NRXN1: variants seen among roughly 807,000 people sequenced by gnomAD.
The protein encoded by NRXN1 is neurexin-1.
Under a neutral mutation model 150.9 loss-of-function variants are expected in NRXN1, and 39 were observed. The observed-to-expected ratio is 0.26, with a 90% CI of 0.20 to 0.34. NRXN1 has a LOEUF of 0.34. NRXN1 is among the 10% of genes least tolerant of loss of function. The pLI, the probability that NRXN1 is intolerant of heterozygous loss-of-function variation, is 1.00. For synonymous variants in NRXN1, 924 were observed against 757.0 expected, an observed-to-expected ratio of 1.22 and a Z score of -3.62; for missense variants, 1,815 against 1,949.9, an observed-to-expected ratio of 0.93 and a Z score of 1.30.
intron 17 of NRXN1, among the ~76,000 whole-genome samples, chr2:50,406,224 A>G (rs1207240123): frequency 6.6e-6 from 1 of 152,112 alleles, no homozygotes; most frequent in African/African-American, 2.4e-5. Flanking sequence ...GGGAGAAGAC[A>G]TGATGGGAAA....
intron 5 of NRXN1, among the ~76,000 whole-genome samples, chr2:50,779,980 A>G (rs1704151887): frequency 6.6e-6 from 1 of 152,084 alleles, no homozygotes; most frequent in Admixed American, 6.5e-5. Context: ...TTACACTCCC[A>G]CCAACAGTGT....
At chr2:50,839,019 T>A (rs561247153) in intron 5 of NRXN1, among the ~76,000 whole-genome samples, 2 of 152,142 alleles carry the variant, frequency 1.3e-5, no homozygotes, top group Admixed American at 1.3e-4. Flanking sequence ...ATCAAGAGCC[T>A]GGTTTTCTTG....
intron 5 of NRXN1, among the ~76,000 whole-genome samples, chr2:50,881,910 AT>A (rs1679492902): frequency 1.3e-5 from 2 of 151,918 alleles, no homozygotes; most frequent in South Asian, 4.1e-4. Context: ...TTTTAAAAAA[AT>A]ATAATACAAA....
chr2:50,015,088 T>C (rs927606265), intron 21 of NRXN1, among the ~76,000 whole-genome samples: 6 of 152,244 alleles, frequency 3.9e-5, no homozygotes, highest in African/African-American at 1.4e-4. Flanking sequence ...TTTTAGTGCC[T>C]CTCTCATCAT....
chr2:50,816,328 C>A (rs187253063), intron 5 of NRXN1, among the ~76,000 whole-genome samples: 2 of 152,032 alleles, frequency 1.3e-5, no homozygotes, highest in African/African-American at 4.8e-5. Flanking sequence ...TTCAGTGTCT[C>A]CTGGGTGGCA....
chr2:50,756,371 T>C (rs2105355979), intron 5 of NRXN1, among the ~76,000 whole-genome samples: 1 of 151,714 alleles, frequency 6.6e-6, no homozygotes, highest in Middle Eastern at 3.4e-3. Context: ...ATTATGTTCA[T>C]TCAGTACATT....
chr2:50,026,446 C>T (rs537122623), intron 21 of NRXN1, among the ~76,000 whole-genome samples: 1 of 152,238 alleles, frequency 6.6e-6, no homozygotes, highest in East Asian at 1.9e-4. Context: ...TAGCCATTTC[C>T]TTCACATGGT....
chr2:50,217,533 T>A (rs1255767627), intron 18 of NRXN1, among the ~76,000 whole-genome samples: 5 of 152,176 alleles, frequency 3.3e-5, no homozygotes, highest in Non-Finnish European at 5.9e-5. Flanking sequence ...TAGTTTTTTT[T>A]AAACCCTATA....
At chr2:50,213,421 A>G (rs1016624283) in intron 18 of NRXN1, among the ~76,000 whole-genome samples, 1 of 151,982 alleles carries the variant, frequency 6.6e-6, no homozygotes, top group African/African-American at 2.4e-5. Context: ...TATTGTTTGT[A>G]AAAACAATGG....
chr2:50,756,610 G>C (rs918913762), intron 5 of NRXN1, among the ~76,000 whole-genome samples: 13 of 151,780 alleles, frequency 8.6e-5, no homozygotes, highest in African/African-American at 3.1e-4. Flanking sequence ...TATTTAGATG[G>C]ACAGAGCTTT....
At chr2:50,552,263 G>C (rs13412958) in intron 9 of NRXN1, among the ~76,000 whole-genome samples, 34,251 of 151,940 alleles carry the variant, frequency 0.23, 3,948 homozygotes, top group East Asian at 0.42. Flanking sequence ...AGAGAAAACT[G>C]GGAATAGAAA....
At chr2:50,046,520 T>A (rs915955828) in intron 21 of NRXN1, among the ~76,000 whole-genome samples, 3 of 152,250 alleles carry the variant, frequency 2.0e-5, no homozygotes, top group African/African-American at 7.2e-5. Context: ...GGTGCTCACC[T>A]GTGACAGGTA....
At chr2:50,907,049 T>C (rs1026879057) in intron 5 of NRXN1, among the ~76,000 whole-genome samples, 7 of 151,890 alleles carry the variant, frequency 4.6e-5, no homozygotes, top group African/African-American at 1.7e-4. Flanking sequence ...GTCTAGAAAC[T>C]AAAAGTCTTC....
intron 5 of NRXN1, among the ~76,000 whole-genome samples, chr2:50,624,082 G>C (rs189809186): frequency 7.2e-5 from 11 of 152,144 alleles, no homozygotes; most frequent in African/African-American, 2.6e-4. Flanking sequence ...ATGGTTTCCA[G>C]CTTCATCACA....
chr2:50,748,577 G>A (rs925634231), intron 5 of NRXN1, among the ~76,000 whole-genome samples: 2 of 151,894 alleles, frequency 1.3e-5, no homozygotes, highest in African/African-American at 2.4e-5. Flanking sequence ...AAATACTCCC[G>A]AAATCCCTCC....
intron 18 of NRXN1, among the ~76,000 whole-genome samples, chr2:50,193,059 A>G (rs2061546883): frequency 6.6e-6 from 1 of 152,106 alleles, no homozygotes; most frequent in South Asian, 2.1e-4. Flanking sequence ...TAAGAACAAT[A>G]TTTTCCTTTT....
chr2:50,746,360 C>T (rs1300806391), intron 5 of NRXN1, among the ~76,000 whole-genome samples: 1 of 151,910 alleles, frequency 6.6e-6, no homozygotes, highest in East Asian at 1.9e-4. Flanking sequence ...GAGTTTGAGA[C>T]CAGCCTGGGC....
intron 5 of NRXN1, among the ~76,000 whole-genome samples, chr2:50,884,039 G>C (rs937723521): frequency 2.0e-5 from 3 of 151,656 alleles, no homozygotes; most frequent in African/African-American, 7.3e-5. Flanking sequence ...TGTATTCTTA[G>C]TATGCTTCGA....
intron 2 of NRXN1, among the ~76,000 whole-genome samples, chr2:50,939,114 G>A (rs759246463): frequency 2.3e-4 from 34 of 150,444 alleles, no homozygotes; most frequent in Non-Finnish European, 4.9e-4. Flanking sequence ...GGGAGGCTGA[G>A]GCAGGAGAAT....
Sources: gnomAD v4.1 joint callset for allele counts (sites outside exome capture counted in the v4.1 genomes callset) on GRCh38, gnomAD v4.1.1 for gene constraint, MANE v1.5 for transcripts, NCBI Gene and HGNC (gene_info 2026-07-23, HGNC 2026-07-21) for gene names.